The following IMMP2L variants were observed in gnomAD, a reference collection of about 807,000 sequenced individuals.
IMMP2L encodes the protein inner mitochondrial membrane peptidase subunit 2, also known as mitochondrial inner membrane protease subunit 2.
A neutral mutation model predicts 19.3 loss-of-function variants in IMMP2L; 18 were observed. The observed-to-expected ratio is 0.93, with a 90% confidence interval of 0.64 to 1.38. The LOEUF is 1.38. Ranked by LOEUF, IMMP2L falls within the 40% of genes most tolerant of loss-of-function variation. IMMP2L has a pLI of 0.00. For synonymous variants in IMMP2L, 76 were observed against 73.0 expected (o/e 1.04, Z -0.21); for missense variants, 233 against 218.2 (o/e 1.07, Z -0.43).
At chr7:111,075,538 C>A (rs923195927) in intron 3 of IMMP2L, among the ~76,000 whole-genome samples, 2 of 152,160 alleles carry the variant, frequency 1.3e-5, no homozygotes, top group African/African-American at 4.8e-5. Context: ...ATTGCAGGAA[C>A]ATTTAGAACA....
In IMMP2L at chr7:111,079,352, C is replaced by T. The variant is rs571363397; in HGVS notation, c.240-115787G>A. On this transcript the variant is annotated intron_variant, in intron 3 of 5. Transcript: ENST00000405709. ...CGGGATGGTCTCGATCTCCTGACCTCGTGATCCACCCACCTCGGCCTCCCA... is the reference window on the plus strand; with the variant it reads ...CGGGATGGTCTCGATCTCCTGACCTTGTGATCCACCCACCTCGGCCTCCCA... Among the ~76,000 whole-genome samples, 1,082 of 151,822 alleles carry T rather than the reference C, an allele frequency of 7.1e-3. 12 individuals carry two copies. Among genetic ancestry groups the T allele is most frequent in the African/African-American group, 0.024 (1,014 of 41,416 alleles).
At chr7:110,666,013 C>T (rs1427319470) in intron 5 of IMMP2L, among the ~76,000 whole-genome samples, 2 of 152,022 alleles carry the variant, frequency 1.3e-5, no homozygotes, top group Non-Finnish European at 2.9e-5. Context: ...TCCCTTTCAC[C>T]CTAACTGCCT....
chr7:110,864,477 C>T (rs545122145), intron 5 of IMMP2L, among the ~76,000 whole-genome samples: 1 of 152,150 alleles, frequency 6.6e-6, no homozygotes, highest in Non-Finnish European at 1.5e-5. Context: ...AAAAATTTGA[C>T]CAAGCCATCA....
intron 5 of IMMP2L, chr7:110,724,637 A>G (rs1344755323): frequency 1.3e-5 from 2 of 151,760 alleles, no homozygotes; most frequent in African/African-American, 2.4e-5. Flanking sequence ...TTTTTGCATC[A>G]GGAAAGAGAT....
chr7:111,557,091 CT>C (rs1791453965), intron 1 of IMMP2L, among the ~76,000 whole-genome samples: 1 of 152,088 alleles, frequency 6.6e-6, no homozygotes, highest in Non-Finnish European at 1.5e-5. Flanking sequence ...CAAATTCTCC[CT>C]CATCTTACTT....
At position 111,347,593 on chromosome 7, in the gene IMMP2L, T is replaced by C. The variant is rs988458257; in HGVS notation, c.239+139645A>G. Among the ~76,000 whole-genome samples, 39 of 151,604 alleles carry C rather than the reference T, an allele frequency of 2.6e-4. 1 individual carries two copies. The highest frequency in any genetic ancestry group is 7.3e-4 in the African/African-American group (30 of 41,262). ...CTTCAAGCAGGACTAAGAGGAACAG[T>C]AGGAAAGAGGGAAGGATGGCTACAG... On this transcript the variant is annotated intron_variant, in intron 3 of 5. Coordinates refer to ENST00000405709, the MANE Select transcript of IMMP2L (RefSeq NM_032549.4).
chr7:111,286,778 A>G (rs1425827799), intron 3 of IMMP2L, among the ~76,000 whole-genome samples: 1 of 152,182 alleles, frequency 6.6e-6, no homozygotes, highest in Non-Finnish European at 1.5e-5. Flanking sequence ...AAGGAAGGCC[A>G]TGATTTCTCT....
chr7:111,487,745 T>C (rs1277791478), intron 2 of IMMP2L, among the ~76,000 whole-genome samples: 1 of 151,842 alleles, frequency 6.6e-6, no homozygotes, highest in Non-Finnish European at 1.5e-5. Context: ...GAAGAAATAA[T>C]CCCAAATCAC....
At chr7:111,490,236 G>A (rs997915051) in intron 2 of IMMP2L, among the ~76,000 whole-genome samples, 6 of 150,518 alleles carry the variant, frequency 4.0e-5, no homozygotes, top group Non-Finnish European at 1.5e-5. Context: ...AGGACTACAG[G>A]TCTACAAGTG....
At chr7:111,238,944 A>C (rs147747114) in intron 3 of IMMP2L, among the ~76,000 whole-genome samples, 2,206 of 152,064 alleles carry the variant, frequency 0.015, 38 homozygotes, top group Admixed American at 0.038. Context: ...CTGAAAATTA[A>C]ATGATAAAGT....
intron 3 of IMMP2L, among the ~76,000 whole-genome samples, chr7:111,381,496 C>T (rs1228240015): frequency 6.6e-6 from 1 of 151,770 alleles, no homozygotes; most frequent in Non-Finnish European, 1.5e-5. Flanking sequence ...TTAAATGTAG[C>T]CACTAGAATA....
rs564620150 is a variant in IMMP2L at position 110,704,190 on chromosome 7, A to G, written c.409-40469T>C. Among the ~76,000 whole-genome samples the G allele has an allele frequency of 4.6e-3, 705 of 152,264 alleles. 7 individuals are homozygous for G. Among genetic ancestry groups the G allele is most frequent in the African/African-American group, 0.016 (670 of 41,558 alleles). ...ATTCTCAATTGATTTTATAATTTCTAAGGAAAATTGTCAACATAACTATAT... is the reference window on the plus strand; with the variant it reads ...ATTCTCAATTGATTTTATAATTTCTGAGGAAAATTGTCAACATAACTATAT... On this transcript the variant is annotated intron_variant, in intron 5 of 5. Coordinates refer to ENST00000405709, the MANE Select transcript of IMMP2L (RefSeq NM_032549.4).
intron 3 of IMMP2L, among the ~76,000 whole-genome samples, chr7:110,972,330 T>C (rs1820226450): frequency 6.6e-6 from 1 of 152,150 alleles, no homozygotes; most frequent in Non-Finnish European, 1.5e-5. Context: ...AATTTTCTGC[T>C]ATTTATATTG....
chr7:110,851,897 T>A (rs77964280), intron 5 of IMMP2L, among the ~76,000 whole-genome samples: 1,821 of 152,200 alleles, frequency 0.012, 46 homozygotes, highest in African/African-American at 0.042. Context: ...TTTATTTCAG[T>A]GTCGTTCTAT....
At chr7:111,195,822 TATTTTATTTC>T (rs1461853252) in intron 3 of IMMP2L, among the ~76,000 whole-genome samples, 12 of 147,102 alleles carry the variant, frequency 8.2e-5, no homozygotes, top group Non-Finnish European at 1.3e-4. Flanking sequence ...TTGTTTATTT[TATTTTATTTC>T]ATTTCATTTC....
At chr7:111,342,151 A>G (rs1409765529) in intron 3 of IMMP2L, among the ~76,000 whole-genome samples, 1 of 152,232 alleles carries the variant, frequency 6.6e-6, no homozygotes. Flanking sequence ...ACTGGATTGT[A>G]GAGGAGAAAT....
intron 2 of IMMP2L, among the ~76,000 whole-genome samples, chr7:111,498,072 C>T (rs569099060): frequency 7.2e-5 from 11 of 151,804 alleles, no homozygotes; most frequent in Non-Finnish European, 1.3e-4. Context: ...ATTTTTATAT[C>T]CTCTTATTAC....
chr7:111,052,055 T>C (rs1487613372), intron 3 of IMMP2L, among the ~76,000 whole-genome samples: 2 of 152,148 alleles, frequency 1.3e-5, no homozygotes, highest in African/African-American at 4.8e-5. Flanking sequence ...CAAAACAGAT[T>C]CTTTGTAGCA....
chr7:111,557,863 G>A (rs1791552052), intron 1 of IMMP2L, among the ~76,000 whole-genome samples: 1 of 151,860 alleles, frequency 6.6e-6, no homozygotes, highest in African/African-American at 2.4e-5. Context: ...TAATGAATAA[G>A]GTACGAGTCA....
Sources: allele counts gnomAD v4.1 joint callset (sites outside exome capture counted in the v4.1 genomes callset), GRCh38; gene constraint gnomAD v4.1.1; transcripts MANE v1.5; gene names NCBI Gene and HGNC (gene_info 2026-07-23, HGNC 2026-07-21).